Variants in ACTL8 observed in about 807,000 individuals in gnomAD.
ACTL8 encodes actin like 8.
Under a neutral mutation model 9.3 loss-of-function variants are expected in ACTL8, and 3 were observed. That is an observed-to-expected ratio of 0.32 (90% CI 0.15 to 0.83). The LOEUF (loss-of-function observed/expected upper bound fraction) is 0.83, where lower values mean the gene tolerates loss of function less well. ACTL8 is among the 40% of genes least tolerant of loss of function. The probability of loss-of-function intolerance (pLI) is 0.57; values close to 1 mark genes in which losing one functional copy is unlikely to be tolerated. For synonymous variants in ACTL8, 224 were observed against 205.9 expected (o/e 1.09, Z -0.75); for missense variants, 381 against 492.2 (o/e 0.77, Z 2.14).
chr1:17,821,584 C>A (rs140907942), intron 1 of ACTL8, among the ~76,000 whole-genome samples: 4 of 152,114 alleles, frequency 2.6e-5, no homozygotes, highest in Non-Finnish European at 5.9e-5. Flanking sequence ...TGTGTGTGGG[C>A]CTATTTCTGG....
At chr1:17,782,084 T>C (rs2066159103) in intron 1 of ACTL8, among the ~76,000 whole-genome samples, 1 of 152,064 alleles carries the variant, frequency 6.6e-6, no homozygotes, top group African/African-American at 2.4e-5. Flanking sequence ...AGAATGTACA[T>C]AATGAACACA....
In ACTL8 at chr1:17,823,533, A is replaced by C. The variant is rs1488435150; in HGVS notation, c.348+177A>C. Among the ~76,000 whole-genome samples, 1 of 152,140 alleles carries C rather than the reference A, an allele frequency of 6.6e-6. No individual in the cohort carries two copies. Among genetic ancestry groups the C allele is most frequent in the Non-Finnish European group, 1.5e-5 (1 of 68,016 alleles). ...CCAGGCAGGCAGATTGCTTGAGCCC[A>C]GGAGTTCAGGACCAGCCTGGGCAAT... On this transcript the variant is annotated intron_variant, in intron 2 of 2. Transcript: ENST00000375406. The surrounding 1 kb of genome is among the most constrained non-coding windows in gnomAD (Gnocchi z 5.3).
chr1:17,809,900 C>T (rs2066383065), intron 1 of ACTL8, among the ~76,000 whole-genome samples: 1 of 152,176 alleles, frequency 6.6e-6, no homozygotes, highest in Non-Finnish European at 1.5e-5. Context: ...TACTCCAGGT[C>T]TGTGGAAAAA....
chr1:17,766,171 T>C (rs2066043013), intron 1 of ACTL8, among the ~76,000 whole-genome samples: 1 of 152,318 alleles, frequency 6.6e-6, no homozygotes, highest in South Asian at 2.1e-4. Flanking sequence ...GTGGGACCTC[T>C]GAACCCTGGC....
intron 1 of ACTL8, among the ~76,000 whole-genome samples, chr1:17,818,025 T>C (rs2066439213): frequency 6.6e-6 from 1 of 152,134 alleles, no homozygotes; most frequent in African/African-American, 2.4e-5. Context: ...ATTCCATCCA[T>C]TCAGGAACTC....
chr1:17,826,448 G>C lies in ACTL8; in HGVS notation c.1030G>C (p.Val344Leu), dbSNP rs2053723622. 2 of 1,613,308 alleles carry C rather than the reference G, an allele frequency of 1.2e-6. No homozygotes were observed. The highest frequency in any genetic ancestry group is 1.7e-6 in the Non-Finnish European group (2 of 1,179,562). Residue 344 changes from valine to leucine, a missense_variant, in exon 3 of 3, where the codon GTG (valine) becomes CTG (leucine). By Grantham distance (32) the Val-to-Leu change is conservative. Around this residue, in one of 3 missense-constraint regions of ACTL8, gnomAD observed 243 missense variants for 276.2 expected, o/e 0.88. Coordinates refer to ENST00000375406, the MANE Select transcript of ACTL8 (RefSeq NM_030812.3). This position sits in a 1 kb window ranked among gnomAD's most constrained non-coding sequence, Gnocchi z 4.5. The part of the protein sequence containing the change: ...NFSVWLGASV[V>L]AHLSTYQSEW... ...TAGTGTCTGGCTAGGAGCGTCCGTG[G>C]TGGCTCACCTTTCTACCTACCAGTC...
chr1:17,793,771 A>G (rs1451973769), intron 1 of ACTL8, among the ~76,000 whole-genome samples: 2 of 151,092 alleles, frequency 1.3e-5, no homozygotes, highest in Admixed American at 6.6e-5. Context: ...TTCCCTGACA[A>G]CCTCCACCTC....
intron 1 of ACTL8, among the ~76,000 whole-genome samples, chr1:17,785,367 T>A (rs540765424): frequency 1.7e-4 from 26 of 152,252 alleles, no homozygotes; most frequent in East Asian, 3.9e-4. Context: ...TGGCAAACAC[T>A]TGGTGAGCCA....
chr1:17,818,705 T>A (rs1570045487), intron 1 of ACTL8, among the ~76,000 whole-genome samples: 1 of 152,350 alleles, frequency 6.6e-6, no homozygotes, highest in East Asian at 1.9e-4. Flanking sequence ...AGGCCTTTGA[T>A]GACTGCTCTG....
chr1:17,800,126 TG>T (rs1199725743), intron 1 of ACTL8, among the ~76,000 whole-genome samples: 5 of 152,228 alleles, frequency 3.3e-5, no homozygotes, highest in African/African-American at 1.2e-4. Flanking sequence ...AAAACCCTGC[TG>T]TAATTATTAT....
chr1:17,794,653 T>G (rs893630646), intron 1 of ACTL8, among the ~76,000 whole-genome samples: 3 of 152,222 alleles, frequency 2.0e-5, no homozygotes, highest in African/African-American at 7.2e-5. Context: ...GCATAATTTT[T>G]ATTTGTGTCT....
chr1:17,803,919 T>C (rs2066340666), intron 1 of ACTL8, among the ~76,000 whole-genome samples: 1 of 152,246 alleles, frequency 6.6e-6, no homozygotes, highest in South Asian at 2.1e-4. Flanking sequence ...TCAGTTTTTG[T>C]ACCTGTAAGT....
chr1:17,812,412 T>C (rs1442200024), intron 1 of ACTL8, among the ~76,000 whole-genome samples: 1 of 151,106 alleles, frequency 6.6e-6, no homozygotes, highest in Non-Finnish European at 1.5e-5. Flanking sequence ...GAACATAGCA[T>C]ATCTATTTTT....
In ACTL8 at chr1:17,767,842, A is replaced by G. The variant is rs11203456; in HGVS notation, c.-25+12338A>G. Among the ~76,000 whole-genome samples the G allele has an allele frequency of 0.29, 43,770 of 151,876 alleles. 6,860 individuals carry two copies. Among genetic ancestry groups the G allele is most frequent in the Admixed American group, 0.38 (5,764 of 15,264 alleles). ...TGACTGCTGACACGGGAGGAATGAC[A>G]CTGCGTTACTCAAGCAGGTGGCAGT... On this transcript the variant is annotated intron_variant, in intron 1 of 2. Coordinates refer to ENST00000375406, the MANE Select transcript of ACTL8 (RefSeq NM_030812.3). This position sits in a 1 kb window ranked among gnomAD's most constrained non-coding sequence, Gnocchi z 4.7.
At chr1:17,793,728 ATCT>A (rs1181271646) in intron 1 of ACTL8, among the ~76,000 whole-genome samples, 1 of 151,968 alleles carries the variant, frequency 6.6e-6, no homozygotes, top group Non-Finnish European at 1.5e-5. Flanking sequence ...TACTCTGGTG[ATCT>A]TCTGCTGTGG....
chr1:17,810,877 CCA>C (rs1351531296), intron 1 of ACTL8, among the ~76,000 whole-genome samples: 1 of 152,108 alleles, frequency 6.6e-6, no homozygotes, highest in Non-Finnish European at 1.5e-5. Flanking sequence ...TATGGATGTA[CCA>C]CAGTTTGTTC....
In ACTL8 at chr1:17,823,381, C is replaced by CG; in HGVS notation, c.348+25_348+26insG. On this transcript the variant is annotated intron_variant, in intron 2 of 2. Transcript: ENST00000375406. The surrounding 1 kb of genome is among the most constrained non-coding windows in gnomAD (Gnocchi z 5.3). ...GGTGAGGCCTGCCGGGGCCTGCTCCCACTCGGGAGCGGGAAACAGACTGAC... is the reference window on the plus strand; with the variant it reads ...GGTGAGGCCTGCCGGGGCCTGCTCCCGACTCGGGAGCGGGAAACAGACTGAC... 1 of 1,589,070 alleles carries CG rather than the reference C, an allele frequency of 6.3e-7. No individual in the cohort carries two copies. The highest frequency in any genetic ancestry group is 8.6e-7 in the Non-Finnish European group (1 of 1,166,936).
At chr1:17,809,682 A>G (rs981038486) in intron 1 of ACTL8, among the ~76,000 whole-genome samples, 1 of 151,874 alleles carries the variant, frequency 6.6e-6, no homozygotes, top group Admixed American at 6.6e-5. Context: ...CGTGCTCCTT[A>G]TGAGAATCTA....
At position 17,826,364 on chromosome 1, in the gene ACTL8, A is replaced by C; in HGVS notation, c.946A>C (p.Met316Leu). ...GFTKRLFREL[M>L]GDHVSSTKAT... ...CACAAAGCGCCTGTTCAGGGAGCTGATGGGGGATCACGTCTCCTCCACCAA... is the reference window on the plus strand; with the variant it reads ...CACAAAGCGCCTGTTCAGGGAGCTGCTGGGGGATCACGTCTCCTCCACCAA... The change falls in exon 3 of 3, where the codon ATG becomes CTG. Residue 316 changes from methionine to leucine, a missense_variant. Around this residue, in one of 3 missense-constraint regions of ACTL8, gnomAD observed 243 missense variants for 276.2 expected, o/e 0.88. Transcript: ENST00000375406. The surrounding 1 kb of genome is among the most constrained non-coding windows in gnomAD (Gnocchi z 4.5). The C allele has an allele frequency of 1.9e-6, 3 of 1,614,020 alleles. No homozygotes were observed. Among genetic ancestry groups the C allele is most frequent in the Admixed American group, 1.7e-5 (1 of 60,004 alleles).
Sources: allele counts gnomAD v4.1 joint callset (sites outside exome capture counted in the v4.1 genomes callset), GRCh38; gene constraint gnomAD v4.1.1; regional missense constraint gnomAD v4.1.1; non-coding constraint Gnocchi (gnomAD v3.1); transcripts MANE v1.5; gene names NCBI Gene and HGNC (gene_info 2026-07-23, HGNC 2026-07-21).